IKZF3: variants seen among roughly 807,000 people sequenced by gnomAD.
IKZF3 encodes the protein zinc finger protein Aiolos.
IKZF3 carries 10 observed loss-of-function variants against 49.0 expected under a neutral mutation model. The ratio of observed to expected loss-of-function variants is 0.20; its 90% CI spans 0.13 to 0.35. The LOEUF (loss-of-function observed/expected upper bound fraction) is 0.35, where lower values mean the gene tolerates loss of function less well. Among genes scored for constraint, IKZF3 ranks in the 10% least tolerant of loss-of-function variants. The pLI, the probability that IKZF3 is intolerant of heterozygous loss-of-function variation, is 1.00. For missense variants in IKZF3, 498 were observed against 664.8 expected (o/e 0.75, Z 2.76); for synonymous variants, 209 against 228.2 (o/e 0.92, Z 0.76).
intron 1 of IKZF3, chr17:39,835,798 A>G: frequency 1.9e-6 from 1 of 518,098 alleles, no homozygotes; most frequent in Admixed American, 2.2e-5. Flanking sequence ...CTATTCATGT[A>G]TGCCTCATCC....
chr17:39,780,095 T>C (rs2060699807), intron 6 of IKZF3, among the ~76,000 whole-genome samples: 1 of 152,108 alleles, frequency 6.6e-6, no homozygotes, highest in Non-Finnish European at 1.5e-5. Context: ...TCCTAGCTAC[T>C]TGGGAGACTG....
At chr17:39,834,065 T>A (rs977266603) in intron 1 of IKZF3, among the ~76,000 whole-genome samples, 3 of 152,196 alleles carry the variant, frequency 2.0e-5, no homozygotes, top group Non-Finnish European at 4.4e-5. Flanking sequence ...CTTGACAGTT[T>A]TGAGTACTGG....
intron 1 of IKZF3, among the ~76,000 whole-genome samples, chr17:39,854,724 G>A (rs1165855675): frequency 6.6e-6 from 1 of 152,138 alleles, no homozygotes; most frequent in Non-Finnish European, 1.5e-5. Flanking sequence ...AGTTGGTTTG[G>A]ATTGGAGAGA....
chr17:39,824,942 G>A (rs1283322914), intron 3 of IKZF3, among the ~76,000 whole-genome samples: 5 of 152,008 alleles, frequency 3.3e-5, no homozygotes, highest in East Asian at 1.9e-4. Flanking sequence ...TGATCCTCCC[G>A]CCTCGGCCTC....
chr17:39,819,737 T>C (rs1032945043), intron 3 of IKZF3, among the ~76,000 whole-genome samples: 1 of 152,188 alleles, frequency 6.6e-6, no homozygotes, highest in Non-Finnish European at 1.5e-5. Flanking sequence ...TGGTGCAATC[T>C]TGGCTCACTG....
rs1459814005 is a variant in IKZF3, at chr17:39,765,995, A to G, written c.1325T>C (p.Ile442Thr). The G allele has an allele frequency of 1.2e-6, 2 of 1,614,160 alleles. 1 individual carries two copies. Residue 442 changes from isoleucine to threonine, a missense_variant, in exon 8 of 8, where the codon ATC becomes ACC. Ile to Thr is a moderately conservative substitution (Grantham distance 89). This residue lies in a region of IKZF3 where 317 missense variants were observed against 397.3 expected (regional missense o/e 0.80). Transcript: ENST00000346872. ...PICPRDSVKV[I>T]NKEGEVMDVY... ...ATCCATCACCTCCCCTTCCTTGTTG[A>G]TCACTTTGACGGAGTCTCTTGGGCA...
Position 39,760,281 on chromosome 17 carries a change from C to T in IKZF3, c.*5509G>A, listed in dbSNP as rs1365768979. On this transcript the variant is annotated 3_prime_UTR_variant, in exon 8 of 8. Transcript: ENST00000346872. ...AAGCAATTCTCCTGCGTCAGCCTCC[C>T]GAGTAGCTGGGATTACAGGTGTGCA... is the stretch of plus-strand genomic sequence containing the variant. 4 of 150,744 alleles carry T rather than the reference C, an allele frequency of 2.7e-5. No homozygotes were observed. Among genetic ancestry groups the T allele is most frequent in the African/African-American group, 4.9e-5 (2 of 40,832 alleles). 9.3% of individuals were successfully genotyped at this position (150,744 alleles called of 1,614,324 possible).
chr17:39,859,294 A>T (rs970482479), intron 1 of IKZF3, among the ~76,000 whole-genome samples: 3 of 151,604 alleles, frequency 2.0e-5, no homozygotes, highest in Admixed American at 6.6e-5. Flanking sequence ...AACAATCTAT[A>T]TATATTATAA....
intron 3 of IKZF3, among the ~76,000 whole-genome samples, chr17:39,810,616 C>CAA (rs36003163): frequency 2.4e-4 from 19 of 79,348 alleles, no homozygotes; most frequent in South Asian, 4.0e-4. Flanking sequence ...GTATCTGCAG[C>CAA]AAAAAAAAAA....
chr17:39,835,814 C>A, intron 1 of IKZF3: 1 of 532,630 alleles, frequency 1.9e-6, no homozygotes, highest in South Asian at 1.6e-5. Context: ...CATCCACATC[C>A]TTCTTGATGA....
chr17:39,759,193 AT>A lies in IKZF3; in HGVS notation c.*6596del, dbSNP rs2060125583. 1 of 152,170 alleles carries A rather than the reference AT, an allele frequency of 6.6e-6. No homozygotes were observed. The highest frequency in any genetic ancestry group is 2.4e-5 in the African/African-American group (1 of 41,420). 9.4% of individuals were successfully genotyped at this position (152,170 alleles called of 1,614,324 possible). A position where few individuals can be genotyped will look rare whatever the true frequency, so the allele number is the denominator to read the frequency against. On this transcript the variant is annotated 3_prime_UTR_variant, in exon 8 of 8. Transcript: ENST00000346872. Reference sequence around the variant, plus strand: ...CACTTTGGGAGGCTGAGGTGGGCAGATTACTTGAGCCCAGGAGTTCAGGACC... The same window carrying A: ...CACTTTGGGAGGCTGAGGTGGGCAGATACTTGAGCCCAGGAGTTCAGGACC...
chr17:39,791,887 C>CTTTTTT (rs1211244204), intron 4 of IKZF3, among the ~76,000 whole-genome samples: 2 of 126,836 alleles, frequency 1.6e-5, no homozygotes, highest in Admixed American at 8.1e-5. Flanking sequence ...TTGGTACTCC[C>CTTTTTT]TTTTTTTTTT....
chr17:39,770,808 C>CT (rs35880653), intron 7 of IKZF3, among the ~76,000 whole-genome samples: 9,822 of 136,846 alleles, frequency 0.072, 654 homozygotes, highest in African/African-American at 0.17. Flanking sequence ...GGGGTTGATA[C>CT]TTTTTTTTTT....
chr17:39,857,188 C>T (rs1314246579), intron 1 of IKZF3, among the ~76,000 whole-genome samples: 3 of 152,148 alleles, frequency 2.0e-5, no homozygotes, highest in Non-Finnish European at 4.4e-5. Flanking sequence ...AAATTAGTTA[C>T]TTCCAGTTTT....
rs2060254225 is a variant in IKZF3 at position 39,764,897 on chromosome 17, T to C, written c.*893A>G. 6.6e-6 allele frequency: 1 copy of C among 152,374 alleles called. No individual in the cohort carries two copies. 9.4% of individuals were successfully genotyped at this position (152,374 alleles called of 1,614,324 possible). ...ATTTGCTTTGGGTCTGTATCACCAA[T>C]TCTCCATGAACTCTTTCAAGAAGTT... On this transcript the variant is annotated 3_prime_UTR_variant, in exon 8 of 8. Coordinates refer to ENST00000346872, the MANE Select transcript of IKZF3 (RefSeq NM_012481.5).
At chr17:39,777,354 TC>T (rs2060616127) in intron 7 of IKZF3, among the ~76,000 whole-genome samples, 1 of 152,252 alleles carries the variant, frequency 6.6e-6, no homozygotes, top group South Asian at 2.1e-4. Context: ...ATAAACTCTC[TC>T]ATGCAACATA....
chr17:39,803,764 C>T (rs2952144), intron 3 of IKZF3, among the ~76,000 whole-genome samples: 73,368 of 151,916 alleles, frequency 0.48, 18,081 homozygotes, highest in East Asian at 0.7. Context: ...CCGCCCACCT[C>T]GGCCTCCCAA....
At chr17:39,840,750 G>A (rs1409305020) in intron 1 of IKZF3, among the ~76,000 whole-genome samples, 1 of 152,232 alleles carries the variant, frequency 6.6e-6, no homozygotes, top group African/African-American at 2.4e-5. Context: ...GAGCAGCTTG[G>A]CATGGGATGT....
In IKZF3 at chr17:39,858,948, C is replaced by T. The variant is rs138286031; in HGVS notation, c.7+5172G>A. ...CCAAGTAGCTGGGACAAGTGCACAC[C>T]ACCACACCAGGCCAATTTACTTTTA... On this transcript the variant is annotated intron_variant, in intron 1 of 7. Transcript: ENST00000346872. 4.3e-3 allele frequency among the ~76,000 whole-genome samples: 655 copies of T among 151,704 alleles called. 3 individuals carry two copies. Among genetic ancestry groups the T allele is most frequent in the African/African-American group, 0.015 (613 of 41,330 alleles).
Sources: allele counts gnomAD v4.1 joint callset (sites outside exome capture counted in the v4.1 genomes callset), GRCh38; gene constraint gnomAD v4.1.1; regional missense constraint gnomAD v4.1.1; transcripts MANE v1.5; gene names NCBI Gene and HGNC (gene_info 2026-07-23, HGNC 2026-07-21).